Variants in RPH3AL observed in about 807,000 individuals in gnomAD.
RPH3AL encodes rabphilin 3A like (without C2 domains), also known as rab effector Noc2.
Under a neutral mutation model 43.1 loss-of-function variants are expected in RPH3AL, and 38 were observed. That is an observed-to-expected ratio of 0.88 (90% confidence interval 0.68 to 1.15). RPH3AL has a LOEUF of 1.15. RPH3AL is among the 50% of genes most tolerant of loss of function. The probability of loss-of-function intolerance (pLI) is 0.00; values close to 1 mark genes in which losing one functional copy is unlikely to be tolerated. For synonymous variants in RPH3AL, 189 were observed against 176.3 expected (o/e 1.07, Z -0.57); for missense variants, 462 against 423.2 (o/e 1.09, Z -0.81).
intron 6 of RPH3AL, among the ~76,000 whole-genome samples, chr17:266,901 G>A (rs571507170): frequency 6.6e-6 from 1 of 152,352 alleles, no homozygotes; most frequent in Admixed American, 6.5e-5. Context: ...GTTGCCCAAC[G>A]CTGGCTCCCG....
chr17:351,061 A>C (rs6565715), intron 1 of RPH3AL, among the ~76,000 whole-genome samples: 148,918 of 152,232 alleles, frequency 0.98, 72,906 homozygotes, highest in East Asian at 1. Flanking sequence ...CAACTTCTGA[A>C]CTGTACCCCT....
intron 6 of RPH3AL, among the ~76,000 whole-genome samples, chr17:263,885 G>A (rs4985593): frequency 0.074 from 11,298 of 152,194 alleles, 573 homozygotes; most frequent in Admixed American, 0.12. Flanking sequence ...GCCCGGAGTC[G>A]GAATTGTGGC....
At position 245,418 on chromosome 17, in the gene RPH3AL, G is replaced by T. The variant is rs374053060; in HGVS notation, c.613+1693C>A. On this transcript the variant is annotated intron_variant, in intron 7 of 9. Transcript: ENST00000331302. The surrounding 1 kb of genome is among the most constrained non-coding windows in gnomAD (Gnocchi z 5.9). Reference sequence around the variant, plus strand: ...GGATATCAGTGTGTGTGTGTGCATGGTGATGTGTGTGTAGGTGTGAGCGTG... The same window carrying T: ...GGATATCAGTGTGTGTGTGTGCATGTTGATGTGTGTGTAGGTGTGAGCGTG... Among the ~76,000 whole-genome samples the T allele has an allele frequency of 5.1e-3, 742 of 145,328 alleles. 2 individuals are homozygous for T. Among genetic ancestry groups the T allele is most frequent in the African/African-American group, 0.017 (684 of 39,550 alleles).
Position 255,870 on chromosome 17 carries a change from G to T in RPH3AL, c.439-8585C>A, listed in dbSNP as rs368893170. On this transcript the variant is annotated intron_variant, in intron 6 of 9. Transcript: ENST00000331302. ...AGGGGAGCCGCACGGCGTCTGTCCT[G>T]TTCCGTCCCTAGGAATGTGACTACC... Among the ~76,000 whole-genome samples, 19 of 29,642 alleles carry T rather than the reference G, an allele frequency of 6.4e-4. 3 individuals carry two copies. Among genetic ancestry groups the T allele is most frequent in the Admixed American group, 1.4e-3 (4 of 2,800 alleles). 19.4% of individuals were successfully genotyped at this position (29,642 alleles called of 152,430 possible).
In RPH3AL at chr17:247,269, C is replaced by T. The variant is rs201823029; in HGVS notation, c.455G>A (p.Gly152Glu). ...SEQREVWKRSGAWFYKGLPKY... is the reference protein window; with the variant it reads ...SEQREVWKRSEAWFYKGLPKY... Reference sequence around the variant, plus strand: ...GGGGAGCCCTTTGTAGAACCAGGCCCCCGACCTCTTCCAGACCTGAGTGGG... The same window carrying T: ...GGGGAGCCCTTTGTAGAACCAGGCCTCCGACCTCTTCCAGACCTGAGTGGG... The change falls in exon 7 of 10, where the codon GGG becomes GAG. Residue 152 changes from glycine to glutamate, a missense_variant. By Grantham distance (98) the Gly-to-Glu change is moderately conservative. Transcript: ENST00000331302. 90 of 1,591,156 alleles carry T rather than the reference C, an allele frequency of 5.7e-5. No individual in the cohort carries two copies. Among genetic ancestry groups the T allele is most frequent in the Non-Finnish European group, 7.4e-5 (86 of 1,167,520 alleles).
At chr17:345,201 C>G (rs921051824) in intron 1 of RPH3AL, among the ~76,000 whole-genome samples, 1 of 135,184 alleles carries the variant, frequency 7.4e-6, no homozygotes, top group South Asian at 2.4e-4. Context: ...GTCACCTGAG[C>G]CTGGGGAGGT....
chr17:218,097 C>G (rs965366207), intron 8 of RPH3AL, among the ~76,000 whole-genome samples: 1 of 142,464 alleles, frequency 7.0e-6, no homozygotes, highest in African/African-American at 2.7e-5. Context: ...ATTATGGAGC[C>G]CTTTCTTCTT....
chr17:312,899 C>A (rs2043678480), intron 5 of RPH3AL, among the ~76,000 whole-genome samples: 1 of 152,194 alleles, frequency 6.6e-6, no homozygotes, highest in Admixed American at 6.5e-5. Context: ...GGGAAGCTAG[C>A]CGTGCCAGGT....
At position 239,827 on chromosome 17, in the gene RPH3AL, G is replaced by A. The variant is rs147101667; in HGVS notation, c.613+7284C>T. ...AATTTATTTGTAGAGACAGTGTCTC[G>A]TTACGTTGCCCAGGCTAGTCTTGAA... On this transcript the variant is annotated intron_variant, in intron 7 of 9. Transcript: ENST00000331302. Among the ~76,000 whole-genome samples, 29 of 152,272 alleles carry A rather than the reference G, an allele frequency of 1.9e-4. No individual in the cohort carries two copies. The East Asian group carries it at 2.5e-3, about 13-fold the overall frequency.
At chr17:315,471 CT>C (rs1555518438) in intron 5 of RPH3AL, among the ~76,000 whole-genome samples, 839 of 10,792 alleles carry the variant, frequency 0.078, no homozygotes, top group East Asian at 0.096. Flanking sequence ...AGTCCCTGTG[CT>C]CCCACCTCCA....
At chr17:285,096 C>T (rs920907134) in intron 5 of RPH3AL, among the ~76,000 whole-genome samples, 11 of 152,198 alleles carry the variant, frequency 7.2e-5, no homozygotes, top group African/African-American at 1.7e-4. Flanking sequence ...CAGCAGCGCC[C>T]GACCAGGACT....
At chr17:316,986 C>CT (rs2044260727) in intron 5 of RPH3AL, among the ~76,000 whole-genome samples, 1 of 148,590 alleles carries the variant, frequency 6.7e-6, no homozygotes, top group East Asian at 2.1e-4. Context: ...GACCTGTAGT[C>CT]CCTGTGACCC....
intron 1 of RPH3AL, among the ~76,000 whole-genome samples, chr17:336,541 C>T (rs978650324): frequency 1.3e-5 from 2 of 152,150 alleles, no homozygotes; most frequent in Non-Finnish European, 2.9e-5. Flanking sequence ...TCCTCTCTTG[C>T]CCAGACCGTG....
At position 215,627 on chromosome 17, in the gene RPH3AL, G is replaced by A; in HGVS notation, c.876+27C>T. ...GGACACGGCCGCGGGGGCAGGAGAGGGGAGAAGGCAGCAGTTGGGTACTCA... is the reference window on the plus strand; with the variant it reads ...GGACACGGCCGCGGGGGCAGGAGAGAGGAGAAGGCAGCAGTTGGGTACTCA... On this transcript the variant is annotated intron_variant, in intron 9 of 9. Coordinates refer to ENST00000331302, the MANE Select transcript of RPH3AL (RefSeq NM_006987.4). The surrounding 1 kb of genome is among the most constrained non-coding windows in gnomAD (Gnocchi z 4.1). The A allele has an allele frequency of 7.9e-7, 1 of 1,262,736 alleles. No individual in the cohort carries two copies. Among genetic ancestry groups the A allele is most frequent in the Non-Finnish European group, 1.0e-6 (1 of 998,878 alleles). 78.2% of individuals were successfully genotyped at this position (1,262,736 alleles called of 1,614,324 possible). A position where few individuals can be genotyped will look rare whatever the true frequency, so the allele number is the denominator to read the frequency against.
intron 5 of RPH3AL, among the ~76,000 whole-genome samples, chr17:285,567 T>C (rs563448132): frequency 6.6e-6 from 1 of 152,256 alleles, no homozygotes; most frequent in East Asian, 1.9e-4. Flanking sequence ...CAGCTGCAGG[T>C]GGCTATTTAA....
intron 6 of RPH3AL, among the ~76,000 whole-genome samples, chr17:263,714 G>C (rs549038565): frequency 6.6e-6 from 1 of 152,312 alleles, no homozygotes; most frequent in African/African-American, 2.4e-5. Flanking sequence ...TGGTAGCTCA[G>C]GAAAGGAAAG....
rs112990112 is a variant in RPH3AL at position 273,208 on chromosome 17, T to C, written c.438+8560A>G. Among the ~76,000 whole-genome samples, 21 of 51,508 alleles carry C rather than the reference T, an allele frequency of 4.1e-4. 1 individual carries two copies. The highest frequency in any genetic ancestry group is 1.8e-3 in the African/African-American group (16 of 8,860). The allele number at this position is 51,508 out of a possible 152,430, so 33.8% of individuals were successfully genotyped here. A position where few individuals can be genotyped will look rare whatever the true frequency, so the allele number is the denominator to read the frequency against. Reference sequence around the variant, plus strand: ...CGTCAGGGAGAGACCCCAGCGAGGGTGACGTCAGGGTGAGACCCCAGCGAG... The same window carrying C: ...CGTCAGGGAGAGACCCCAGCGAGGGCGACGTCAGGGTGAGACCCCAGCGAG... On this transcript the variant is annotated intron_variant, in intron 6 of 9. Coordinates refer to ENST00000331302, the MANE Select transcript of RPH3AL (RefSeq NM_006987.4).
At position 333,383 on chromosome 17, in the gene RPH3AL, C is replaced by A; in HGVS notation, c.-37+376G>T. 2 of 970,676 alleles carry A rather than the reference C, an allele frequency of 2.1e-6. No individual in the cohort carries two copies. The highest frequency in any genetic ancestry group is 2.8e-6 in the Non-Finnish European group (2 of 716,266). 60.1% of individuals were successfully genotyped at this position (970,676 alleles called of 1,614,324 possible). ...GGCGACTCTTAACACCTTAATGTAG[C>A]ACCTTCCAACTTTTCCTGGGCATTT... On this transcript the variant is annotated intron_variant, in intron 2 of 9. Transcript: ENST00000331302. This position sits in a 1 kb window ranked among gnomAD's most constrained non-coding sequence, Gnocchi z 4.5.
In RPH3AL at chr17:274,220, C is replaced by T. The variant is rs939270602; in HGVS notation, c.438+7548G>A. On this transcript the variant is annotated intron_variant, in intron 6 of 9. Transcript: ENST00000331302. This position sits in a 1 kb window ranked among gnomAD's most constrained non-coding sequence, Gnocchi z 4.7. The stretch of plus-strand genomic sequence containing the variant: ...CCCATGAAAGCACGTGGAAAAGGCA[C>T]CGCGAAACCCCAGCCCGGGGCCTCT... Among the ~76,000 whole-genome samples the T allele has an allele frequency of 6.6e-6, 1 of 152,252 alleles. No individual in the cohort carries two copies. Among genetic ancestry groups the T allele is most frequent in the Non-Finnish European group, 1.5e-5 (1 of 68,044 alleles).
Sources: gnomAD v4.1 joint callset for allele counts (sites outside exome capture counted in the v4.1 genomes callset) on GRCh38, gnomAD v4.1.1 for gene constraint, Gnocchi (gnomAD v3.1) non-coding constraint, MANE v1.5 for transcripts, NCBI Gene and HGNC (gene_info 2026-07-23, HGNC 2026-07-21) for gene names.